The following DPF3 variants were observed in gnomAD, a reference collection of about 807,000 sequenced individuals.
DPF3 encodes the protein double PHD fingers 3, also known as zinc finger protein DPF3.
A neutral mutation model predicts 56.8 loss-of-function variants in DPF3; 18 were observed. The ratio of observed to expected loss-of-function variants is 0.32; its 90% CI spans 0.22 to 0.47. DPF3 has a LOEUF of 0.47. DPF3 is among the 20% of genes least tolerant of loss of function. The pLI, the probability that DPF3 is intolerant of heterozygous loss-of-function variation, is 1.00. For synonymous variants in DPF3, 188 were observed against 180.2 expected (o/e 1.04, Z -0.35); for missense variants, 403 against 488.8 (o/e 0.82, Z 1.65).
intron 8 of DPF3, among the ~76,000 whole-genome samples, chr14:72,636,074 G>A (rs974110608): frequency 6.6e-6 from 1 of 152,136 alleles, no homozygotes; most frequent in Non-Finnish European, 1.5e-5. Context: ...GCAAGTAAAT[G>A]CAAAACTCAA....
At chr14:72,723,259 C>A (rs1490214119) in intron 5 of DPF3, among the ~76,000 whole-genome samples, 2 of 151,736 alleles carry the variant, frequency 1.3e-5, no homozygotes, top group African/African-American at 4.8e-5. Flanking sequence ...AAAGCAGGTA[C>A]CCTGACTCTG....
intron 1 of DPF3, among the ~76,000 whole-genome samples, chr14:72,777,743 T>C (rs1485479936): frequency 6.6e-6 from 1 of 152,112 alleles, no homozygotes; most frequent in African/African-American, 2.4e-5. Context: ...TGACTCTCTC[T>C]CTCTTGCTCC....
chr14:72,720,697 A>G (rs1889134342), intron 5 of DPF3, among the ~76,000 whole-genome samples: 1 of 152,240 alleles, frequency 6.6e-6, no homozygotes, highest in South Asian at 2.1e-4. Context: ...GCATGAACTC[A>G]GAGGAGAAAG....
At chr14:72,743,530 G>A (rs1890211585) in intron 3 of DPF3, among the ~76,000 whole-genome samples, 2 of 150,658 alleles carry the variant, frequency 1.3e-5, no homozygotes, top group Non-Finnish European at 2.9e-5. Context: ...GATCTAAGCA[G>A]ACTATCTGGG....
chr14:72,697,191 A>T (rs1330279499), intron 6 of DPF3, among the ~76,000 whole-genome samples: 1 of 152,118 alleles, frequency 6.6e-6, no homozygotes, highest in Non-Finnish European at 1.5e-5. Flanking sequence ...TTCTTCTATC[A>T]CCAGGTCTTC....
chr14:72,884,060 A>G (rs1238517843), intron 1 of DPF3, among the ~76,000 whole-genome samples: 1 of 152,118 alleles, frequency 6.6e-6, no homozygotes, highest in Non-Finnish European at 1.5e-5. Context: ...TCCCTCAGTC[A>G]TCTCAGTTGA....
rs912740229 is a variant in DPF3 at position 72,666,016 on chromosome 14, C to T, written c.871+8224G>A. Among the ~76,000 whole-genome samples, 22 of 152,206 alleles carry T rather than the reference C, an allele frequency of 1.4e-4. 1 individual carries two copies. Among genetic ancestry groups the T allele is most frequent in the African/African-American group, 5.1e-4 (21 of 41,444 alleles). On this transcript the variant is annotated intron_variant, in intron 8 of 10. Transcript: ENST00000556509. Reference sequence around the variant, plus strand: ...ATAATTCAGTTCTGACAGGAATCTTCCATCATTCCCATTTATTTTGTAAAC... The same window carrying T: ...ATAATTCAGTTCTGACAGGAATCTTTCATCATTCCCATTTATTTTGTAAAC...
rs1036417110 is a variant in DPF3 at position 72,619,338 on chromosome 14, G to C, written c.1096C>G (p.Leu366Val). Residue 366 changes from leucine to valine, a missense_variant, in exon 11 of 11, where the codon CTG (leucine) becomes GTG (valine). By Grantham distance (32) the Leu-to-Val change is conservative. Around this residue, in one of 2 missense-constraint regions of DPF3, gnomAD observed 63 missense variants for 114.4 expected, o/e 0.55. Coordinates refer to ENST00000556509, the MANE Select transcript of DPF3 (RefSeq NM_001280542.3). ...GSWSCHLCWELLKEKASAFGC... is the reference protein window; with the variant it reads ...GSWSCHLCWEVLKEKASAFGC... ...AAGGCTGAGGCTTTCTCTTTGAGCA[G>C]TTCCCAGCATAAGTGGCAGCTCCAG... 1 of 1,536,068 alleles carries C rather than the reference G, an allele frequency of 6.5e-7. No homozygotes were observed. Among genetic ancestry groups the C allele is most frequent in the Non-Finnish European group, 8.7e-7 (1 of 1,146,934 alleles).
chr14:72,796,866 T>C (rs1892668290), intron 1 of DPF3, among the ~76,000 whole-genome samples: 2 of 151,522 alleles, frequency 1.3e-5, no homozygotes, highest in African/African-American at 2.4e-5. Flanking sequence ...CCCCAAGAGG[T>C]AGGGAGGTTT....
intron 1 of DPF3, among the ~76,000 whole-genome samples, chr14:72,811,205 C>T (rs555444016): frequency 6.6e-6 from 1 of 152,334 alleles, no homozygotes; most frequent in Admixed American, 6.5e-5. Context: ...GATCCACCCT[C>T]ATGGTCTAAT....
At chr14:72,877,430 G>T (rs1268590872) in intron 1 of DPF3, among the ~76,000 whole-genome samples, 2 of 152,066 alleles carry the variant, frequency 1.3e-5, no homozygotes, top group Non-Finnish European at 1.5e-5. Context: ...GAGCAGGAGC[G>T]CCTTTTGTTC....
At chr14:72,886,479 A>G (rs1886551624) in intron 1 of DPF3, among the ~76,000 whole-genome samples, 1 of 152,204 alleles carries the variant, frequency 6.6e-6, no homozygotes, top group Non-Finnish European at 1.5e-5. Context: ...GCAACATAGC[A>G]AGACCTCCAT....
chr14:72,695,326 C>A (rs1010007839), intron 6 of DPF3, among the ~76,000 whole-genome samples: 1 of 152,176 alleles, frequency 6.6e-6, no homozygotes, highest in Non-Finnish European at 1.5e-5. Flanking sequence ...GGGCTGTCAG[C>A]ATTTTTTGCT....
At chr14:72,870,242 C>T (rs1048432738) in intron 1 of DPF3, among the ~76,000 whole-genome samples, 1 of 152,214 alleles carries the variant, frequency 6.6e-6, no homozygotes, top group Admixed American at 6.5e-5. Flanking sequence ...ACCACCCTGA[C>T]AACAGTGTGT....
chr14:72,763,363 T>C (rs988596497), intron 2 of DPF3, among the ~76,000 whole-genome samples: 1 of 152,070 alleles, frequency 6.6e-6, no homozygotes, highest in Admixed American at 6.5e-5. Context: ...TATAAAACTA[T>C]AATAATCAAG....
At chr14:72,891,174 C>A (rs779307124) in intron 1 of DPF3, among the ~76,000 whole-genome samples, 2 of 152,188 alleles carry the variant, frequency 1.3e-5, no homozygotes, top group African/African-American at 4.8e-5. Context: ...CCATACTCAG[C>A]GTAGGCAGAG....
chr14:72,860,716 C>T (rs1377317290), intron 1 of DPF3, among the ~76,000 whole-genome samples: 1 of 152,056 alleles, frequency 6.6e-6, no homozygotes, highest in Admixed American at 6.6e-5. Context: ...CAGGCGTGCA[C>T]CACCATGCAC....
intron 6 of DPF3, among the ~76,000 whole-genome samples, chr14:72,705,869 G>A (rs1888382823): frequency 6.6e-6 from 1 of 152,228 alleles, no homozygotes; most frequent in East Asian, 1.9e-4. Context: ...GTAGGCACAA[G>A]GTACCAGCAG....
At chr14:72,774,017 G>A in intron 1 of DPF3, 1 of 453,158 alleles carries the variant, frequency 2.2e-6, no homozygotes, top group Non-Finnish European at 4.4e-6. Context: ...GGGCGCAGTG[G>A]CTCATGCCTG....
Sources: gnomAD v4.1 joint callset for allele counts (sites outside exome capture counted in the v4.1 genomes callset) on GRCh38, gnomAD v4.1.1 for gene constraint, gnomAD v4.1.1 regional missense constraint, MANE v1.5 for transcripts, NCBI Gene and HGNC (gene_info 2026-07-23, HGNC 2026-07-21) for gene names.